ZNF713: variants seen among roughly 807,000 people sequenced by gnomAD.
ZNF713 encodes zinc finger protein 713.
ZNF713 carries 21 observed loss-of-function variants against 28.7 expected under a neutral mutation model. The observed-to-expected ratio is 0.73, with a 90% CI of 0.52 to 1.05. ZNF713 has a LOEUF of 1.05. ZNF713 is among the 50% of genes least tolerant of loss of function. ZNF713 has a pLI of 0.00. For synonymous variants in ZNF713, 167 were observed against 178.0 expected (o/e 0.94, Z 0.49); for missense variants, 458 against 532.4 (o/e 0.86, Z 1.37).
intron 4 of ZNF713, among the ~76,000 whole-genome samples, chr7:55,918,787 G>GT (rs1193070775): frequency 6.6e-6 from 1 of 152,118 alleles, no homozygotes; most frequent in Non-Finnish European, 1.5e-5. Context: ...GAGGTCAGGA[G>GT]TTTGAGACTA....
intron 6 of ZNF713, among the ~76,000 whole-genome samples, chr7:55,927,670 A>G (rs1584315710): frequency 1.3e-5 from 2 of 151,708 alleles, no homozygotes; most frequent in East Asian, 1.9e-4. Context: ...GCCGAGATGG[A>G]CGGATCACTT....
chr7:55,894,468 T>C (rs965165377), intron 1 of ZNF713, among the ~76,000 whole-genome samples: 5 of 152,262 alleles, frequency 3.3e-5, no homozygotes, highest in African/African-American at 1.2e-4. Flanking sequence ...TAAATACTTC[T>C]GTCCCATATA....
intron 2 of ZNF713, among the ~76,000 whole-genome samples, chr7:55,911,098 G>A (rs910776818): frequency 6.6e-5 from 10 of 152,136 alleles, no homozygotes; most frequent in African/African-American, 2.4e-4. Context: ...TGCCATGCTT[G>A]GAATGGCTGC....
At chr7:55,919,618 G>T (rs767816393) in intron 4 of ZNF713, among the ~76,000 whole-genome samples, 1 of 145,644 alleles carries the variant, frequency 6.9e-6, no homozygotes, top group Non-Finnish European at 1.5e-5. Flanking sequence ...CAATTCTCCT[G>T]CCCCAGCCTC....
At chr7:55,891,951 AAT>A (rs1785388038) in intron 1 of ZNF713, among the ~76,000 whole-genome samples, 1 of 152,218 alleles carries the variant, frequency 6.6e-6, no homozygotes, top group Non-Finnish European at 1.5e-5. Flanking sequence ...GTCATCTATG[AAT>A]CTAAAGTGGG....
intron 3 of ZNF713, 116 bp from the exon 4 acceptor site, chr7:55,912,519 C>G (rs1317461545): frequency 1.5e-6 from 1 of 684,020 alleles, no homozygotes; most frequent in East Asian, 2.7e-5. Flanking sequence ...AACCTTTAGG[C>G]TTATGTCTTA....
intron 2 of ZNF713, among the ~76,000 whole-genome samples, chr7:55,910,502 T>G (rs112725949): frequency 2.6e-5 from 4 of 152,168 alleles, no homozygotes; most frequent in African/African-American, 7.2e-5. Context: ...TTTGGTTTTG[T>G]TTTTGTTTTT....
chr7:55,930,187 C>T (rs1311019257), intron 6 of ZNF713, among the ~76,000 whole-genome samples: 1 of 152,066 alleles, frequency 6.6e-6, no homozygotes, highest in East Asian at 1.9e-4. Flanking sequence ...AATCCAGATA[C>T]ATTTAACATA....
chr7:55,904,065 C>T (rs1429034170), intron 1 of ZNF713, among the ~76,000 whole-genome samples: 1 of 135,734 alleles, frequency 7.4e-6, no homozygotes, highest in Non-Finnish European at 1.6e-5. Flanking sequence ...ACATAAAAGG[C>T]AGGCAAAGGA....
At chr7:55,899,653 C>A (rs1477372956) in intron 1 of ZNF713, among the ~76,000 whole-genome samples, 2 of 151,958 alleles carry the variant, frequency 1.3e-5, no homozygotes, top group Admixed American at 1.3e-4. Flanking sequence ...GCCTGGGCAA[C>A]AGAGCGAGAC....
At chr7:55,890,650 A>C (rs1316665836) in intron 1 of ZNF713, among the ~76,000 whole-genome samples, 1 of 152,136 alleles carries the variant, frequency 6.6e-6, no homozygotes, top group African/African-American at 2.4e-5. Context: ...ACAAGAAAAA[A>C]TGTATCCCTT....
At chr7:55,923,054 C>A in intron 4 of ZNF713, 108 bp from the exon 5 acceptor site, 2 of 1,251,926 alleles carry the variant, frequency 1.6e-6, no homozygotes, top group Non-Finnish European at 2.1e-6. Context: ...GTCCTGAAGA[C>A]TATCAGCACA....
At position 55,936,975 on chromosome 7, in the gene ZNF713, C is replaced by T. The variant is rs559291018; in HGVS notation, c.308-2007C>T. ...CTTTCTCTCCTCCCTCCACACAGTC[C>T]CTAATCCCTAACTCTTGTTAGAAAC... On this transcript the variant is annotated intron_variant, in intron 6 of 6. Coordinates refer to ENST00000429591, the MANE Select transcript of ZNF713 (RefSeq NM_182633.3). 7.9e-5 allele frequency among the ~76,000 whole-genome samples: 12 copies of T among 152,194 alleles called. No individual in the cohort carries two copies. The East Asian group carries it at 2.1e-3, about 27-fold the overall frequency.
chr7:55,915,914 T>G (rs1288476268), intron 4 of ZNF713, among the ~76,000 whole-genome samples: 3 of 152,136 alleles, frequency 2.0e-5, no homozygotes, highest in Non-Finnish European at 2.9e-5. Flanking sequence ...CTAACTGAAT[T>G]TGTGAGAGGC....
chr7:55,923,738 A>G (rs1396652131), intron 6 of ZNF713, 39 bp downstream of exon 6: 11 of 1,536,678 alleles, frequency 7.2e-6, no homozygotes, highest in Non-Finnish European at 9.9e-6. Flanking sequence ...TTAATGAGGG[A>G]AAACAGCCAC....
intron 1 of ZNF713, among the ~76,000 whole-genome samples, chr7:55,888,267 G>A (rs528959124): frequency 6.6e-6 from 1 of 152,266 alleles, no homozygotes; most frequent in African/African-American, 2.4e-5. Context: ...GTTAGGTAGA[G>A]ATTACCTTTT....
At chr7:55,917,258 T>TG (rs1228490150) in intron 4 of ZNF713, among the ~76,000 whole-genome samples, 3 of 116,784 alleles carry the variant, frequency 2.6e-5, no homozygotes, top group South Asian at 2.9e-4. Context: ...AGCATCTGCA[T>TG]GGAAAAAAAA....
chr7:55,940,085 A>G lies in ZNF713; in HGVS notation c.*79A>G. The stretch of plus-strand genomic sequence containing the variant: ...GACCTTTTTATCCCATTCAATATCA[A>G]ATTATTCATAGTGGAGAGAAAGCTT... On this transcript the variant is annotated 3_prime_UTR_variant, in exon 7 of 7. Transcript: ENST00000429591. The G allele has an allele frequency of 1.3e-6, 2 of 1,485,734 alleles. No homozygotes were observed. Among genetic ancestry groups the G allele is most frequent in the Non-Finnish European group, 1.8e-6 (2 of 1,123,392 alleles). 92.0% of individuals were successfully genotyped at this position (1,485,734 alleles called of 1,614,324 possible). A position where few individuals can be genotyped will look rare whatever the true frequency, so the allele number is the denominator to read the frequency against.
At chr7:55,937,743 A>C (rs2116274195) in intron 6 of ZNF713, among the ~76,000 whole-genome samples, 1 of 152,184 alleles carries the variant, frequency 6.6e-6, no homozygotes, top group Admixed American at 6.6e-5. Flanking sequence ...TCTCTAAAAA[A>C]AAAAAATCAA....
Sources: gnomAD v4.1 joint callset for allele counts (sites outside exome capture counted in the v4.1 genomes callset) on GRCh38, gnomAD v4.1.1 for gene constraint, MANE v1.5 for transcripts, NCBI Gene and HGNC (gene_info 2026-07-23, HGNC 2026-07-21) for gene names.